RIC1: variants seen among roughly 807,000 people sequenced by gnomAD.
RIC1 encodes the protein RIC1 partner of RAB6A GEF complex.
RIC1 carries 88 observed loss-of-function variants against 169.0 expected under a neutral mutation model. The observed-to-expected ratio is 0.52, with a 90% CI of 0.44 to 0.62. RIC1 has a LOEUF of 0.62. RIC1 is among the 20% of genes least tolerant of loss of function. The pLI, the probability that RIC1 is intolerant of heterozygous loss-of-function variation, is 0.00. For synonymous variants in RIC1, 790 were observed against 601.5 expected (o/e 1.31, Z -4.59); for missense variants, 1,877 against 1,725.5 (o/e 1.09, Z -1.56).
chr9:5,728,471 C>T (rs1194082437), intron 6 of RIC1, among the ~76,000 whole-genome samples: 2 of 152,220 alleles, frequency 1.3e-5, no homozygotes, highest in Non-Finnish European at 1.5e-5. Context: ...AAAAGGAATT[C>T]CCCGACCCCT....
At chr9:5,643,896 T>C (rs1444366914) in intron 1 of RIC1, among the ~76,000 whole-genome samples, 2 of 152,248 alleles carry the variant, frequency 1.3e-5, no homozygotes, top group African/African-American at 2.4e-5. Context: ...CAGGCATCAA[T>C]TGGTTGGAAT....
rs892506441 is a variant in RIC1, at chr9:5,640,068, C to G, written c.144+10615C>G. Among the ~76,000 whole-genome samples, 9 of 152,064 alleles carry G rather than the reference C, an allele frequency of 5.9e-5. No homozygotes were observed. In the East Asian group the frequency reaches 1.7e-3, roughly 29 times the overall value. ...TTGGAGAGTTTGGTCCATTTGTATT[C>G]AATGCTATTATTGATAAGTAGGGAC... On this transcript the variant is annotated intron_variant, in intron 1 of 25. Coordinates refer to ENST00000414202, the MANE Select transcript of RIC1 (RefSeq NM_020829.4).
intron 1 of RIC1, among the ~76,000 whole-genome samples, chr9:5,640,301 G>T (rs778520675): frequency 2.0e-5 from 3 of 152,070 alleles, no homozygotes; most frequent in African/African-American, 7.2e-5. Flanking sequence ...TTAAACTCAC[G>T]ACAACTTAAC....
chr9:5,738,467 A>G lies in RIC1; in HGVS notation c.830A>G (p.Tyr277Cys). 2 of 1,606,512 alleles carry G rather than the reference A, an allele frequency of 1.2e-6. No individual in the cohort carries two copies. The highest frequency in any genetic ancestry group is 8.5e-7 in the Non-Finnish European group (1 of 1,177,568). The change falls in exon 8 of 26, where the codon TAT becomes TGT. Residue 277 changes from tyrosine to cysteine, a missense_variant. By Grantham distance (194) the Tyr-to-Cys change is radical. This residue lies in a region of RIC1 where 1,104 missense variants were observed against 992.0 expected (regional missense o/e 1.11). Coordinates refer to ENST00000414202, the MANE Select transcript of RIC1 (RefSeq NM_020829.4). The part of the protein sequence containing the change: ...FGCVSGSVQV[Y>C]TIDNSTGAML... ...TTTCACAGTGGTTCTGTGCAGGTCTATACAATAGATAACAGCACTGGAGCC... is the reference window on the plus strand; with the variant it reads ...TTTCACAGTGGTTCTGTGCAGGTCTGTACAATAGATAACAGCACTGGAGCC...
intron 1 of RIC1, among the ~76,000 whole-genome samples, chr9:5,641,238 C>T (rs1442364885): frequency 5.3e-5 from 8 of 151,758 alleles, no homozygotes; most frequent in African/African-American, 1.7e-4. Context: ...ACTACAGGCG[C>T]CCACCACCAC....
chr9:5,758,857 G>A (rs918837859), intron 17 of RIC1, among the ~76,000 whole-genome samples: 24 of 149,178 alleles, frequency 1.6e-4, no homozygotes, highest in African/African-American at 5.4e-4. Context: ...CAATTCTCCC[G>A]CCTCAGCCTC....
At chr9:5,753,696 T>C (rs1209514495) in intron 14 of RIC1, 50 bp downstream of exon 14, 2 of 923,764 alleles carry the variant, frequency 2.2e-6, no homozygotes, top group East Asian at 4.9e-5. Flanking sequence ...ATAAGAGAAC[T>C]ACAATATGAA....
rs577041896 is a variant in RIC1 at position 5,733,561 on chromosome 9, C to G, written c.812+1082C>G. ...TACAGGCGTGAGCCACCGTGCCCGG[C>G]CAGATTTTTTTATTAGTATAAATAA... On this transcript the variant is annotated intron_variant, in intron 7 of 25. Transcript: ENST00000414202. Among the ~76,000 whole-genome samples the G allele has an allele frequency of 7.9e-5, 12 of 152,192 alleles. No homozygotes were observed. In the East Asian group the frequency reaches 2.3e-3, roughly 29 times the overall value.
chr9:5,725,524 AT>A (rs572474234), intron 6 of RIC1, among the ~76,000 whole-genome samples: 1,727 of 151,936 alleles, frequency 0.011, 47 homozygotes, highest in African/African-American at 0.04. Context: ...GCATTCATTG[AT>A]TTTTTTGATG....
At chr9:5,688,683 A>C (rs1288870340) in intron 2 of RIC1, among the ~76,000 whole-genome samples, 1 of 152,202 alleles carries the variant, frequency 6.6e-6, no homozygotes, top group Non-Finnish European at 1.5e-5. Context: ...AAAGAAAGCA[A>C]ACCACCTGGT....
intron 15 of RIC1, among the ~76,000 whole-genome samples, chr9:5,755,565 G>C (rs534903413): frequency 2.0e-5 from 3 of 152,306 alleles, no homozygotes; most frequent in Admixed American, 2.0e-4. Context: ...ATGGATAAGA[G>C]AGACTACTGT....
At chr9:5,725,856 AGTT>A (rs1823942923) in intron 6 of RIC1, among the ~76,000 whole-genome samples, 1 of 152,070 alleles carries the variant, frequency 6.6e-6, no homozygotes, top group South Asian at 2.1e-4. Flanking sequence ...AGTTTCATGT[AGTT>A]GAGTGGTTTT....
rs1164862195 is a variant in RIC1 at position 5,753,583 on chromosome 9, G to A, written c.1539G>A (p.Lys513=). 1 of 1,612,018 alleles carries A rather than the reference G, an allele frequency of 6.2e-7. No individual in the cohort carries two copies. Among genetic ancestry groups the A allele is most frequent in the East Asian group, 2.2e-5 (1 of 44,758 alleles). ...GACAGAATATTGCTGTGGTTGGCAAGTTTGGTTTTGCACATTACTCTTTAC... is the reference window on the plus strand; with the variant it reads ...GACAGAATATTGCTGTGGTTGGCAAATTTGGTTTTGCACATTACTCTTTAC... ...KLGQNIAVVG[K]FGFAHYSLLT... Residue 513 remains lysine (K), a synonymous_variant, in exon 14 of 26, where the codon AAG becomes AAA. Transcript: ENST00000414202.
At position 5,682,247 on chromosome 9, in the gene RIC1, C is replaced by T. The variant is rs186139624; in HGVS notation, c.253-7712C>T. On this transcript the variant is annotated intron_variant, in intron 2 of 25. Transcript: ENST00000414202. ...GCTTGTTAGTTGATGCAGTTTCTTC[C>T]TAGCCTTGATGGTCTTTACAATTTG... 2.7e-3 allele frequency among the ~76,000 whole-genome samples: 408 copies of T among 152,286 alleles called. 5 individuals carry two copies. Among genetic ancestry groups the T allele is most frequent in the African/African-American group, 9.0e-3 (375 of 41,550 alleles).
intron 1 of RIC1, among the ~76,000 whole-genome samples, chr9:5,641,253 G>T (rs540040105): frequency 2.0e-5 from 3 of 151,664 alleles, no homozygotes; most frequent in Non-Finnish European, 4.4e-5. Context: ...CACCACACCC[G>T]GCTAATTTTT....
intron 3 of RIC1, among the ~76,000 whole-genome samples, chr9:5,712,045 T>G (rs1262792611): frequency 6.6e-6 from 1 of 152,202 alleles, no homozygotes; most frequent in Non-Finnish European, 1.5e-5. Flanking sequence ...TACATGCGCA[T>G]GTGTCTTTAT....
intron 17 of RIC1, among the ~76,000 whole-genome samples, chr9:5,760,278 A>G (rs1826249394): frequency 6.6e-6 from 1 of 152,196 alleles, no homozygotes; most frequent in African/African-American, 2.4e-5. Flanking sequence ...TTGGGCATAC[A>G]TGTAGCCCTT....
At chr9:5,737,178 A>G (rs1255625333) in intron 7 of RIC1, among the ~76,000 whole-genome samples, 1 of 152,204 alleles carries the variant, frequency 6.6e-6, no homozygotes, top group Admixed American at 6.5e-5. Context: ...AGAATATACC[A>G]TGAGCAGAAA....
chr9:5,692,301 T>G (rs1279004287), intron 3 of RIC1, among the ~76,000 whole-genome samples: 1 of 152,076 alleles, frequency 6.6e-6, no homozygotes, highest in South Asian at 2.1e-4. Context: ...TTTCCTCATC[T>G]GTAGAGTAGG....
Sources: allele counts gnomAD v4.1 joint callset (sites outside exome capture counted in the v4.1 genomes callset), GRCh38; gene constraint gnomAD v4.1.1; regional missense constraint gnomAD v4.1.1; transcripts MANE v1.5; gene names NCBI Gene and HGNC (gene_info 2026-07-23, HGNC 2026-07-21).